The following UNC80 variants were observed in gnomAD, a reference collection of about 807,000 sequenced individuals.
UNC80 encodes unc-80 subunit of NALCN channel complex.
Under a neutral mutation model 384.6 loss-of-function variants are expected in UNC80, and 164 were observed. That is an observed-to-expected ratio of 0.43 (90% CI 0.38 to 0.49). The LOEUF (loss-of-function observed/expected upper bound fraction) is 0.49, where lower values mean the gene tolerates loss of function less well. Among genes scored for constraint, UNC80 ranks in the 20% least tolerant of loss-of-function variants. The probability of loss-of-function intolerance (pLI) is 0.00; values close to 1 mark genes in which losing one functional copy is unlikely to be tolerated. For synonymous variants in UNC80, 1,486 were observed against 1,527.8 expected (o/e 0.97, Z 0.64); for missense variants, 3,330 against 4,143.0 (o/e 0.80, Z 5.39).
chr2:209,858,662 C>T (rs2083117102), intron 22 of UNC80, among the ~76,000 whole-genome samples: 1 of 149,676 alleles, frequency 6.7e-6, no homozygotes, highest in East Asian at 2.0e-4. Flanking sequence ...CAACCGCACC[C>T]TGGTCTCGGC....
chr2:209,781,459 G>A (rs2077151877), intron 4 of UNC80, among the ~76,000 whole-genome samples: 1 of 152,256 alleles, frequency 6.6e-6, no homozygotes, highest in South Asian at 2.1e-4. Flanking sequence ...CAACTTCTGA[G>A]TTGTTGAATC....
chr2:209,845,319 C>T (rs1574708211), intron 21 of UNC80: 1 of 152,116 alleles, frequency 6.6e-6, no homozygotes, highest in African/African-American at 2.4e-5. Context: ...TATGCTTCCC[C>T]GTTTGTAGAT....
intron 28 of UNC80, among the ~76,000 whole-genome samples, chr2:209,901,199 A>T (rs2087359366): frequency 1.3e-5 from 2 of 152,178 alleles, no homozygotes; most frequent in South Asian, 4.1e-4. Flanking sequence ...GCTAGAGAGA[A>T]GTCAATACCT....
At position 209,894,401 on chromosome 2, in the gene UNC80, G is replaced by C. The variant is rs150159140; in HGVS notation, c.4480+35G>C. 1.1e-4 allele frequency: 105 copies of C among 978,750 alleles called. No homozygotes were observed. The Middle Eastern group carries it at 1.6e-3, about 15-fold the overall frequency. The allele number at this position is 978,750 out of a possible 1,614,324, so 60.6% of individuals were successfully genotyped here. ...AGGAGTGGGGTGTGCAGGGACGTGG[G>C]GGGTAGGAAGACAGGGCCCAAGTCC... On this transcript the variant is annotated intron_variant, in intron 27 of 64. Transcript: ENST00000673920.
chr2:209,994,236 C>T lies in UNC80; in HGVS notation c.9680C>T (p.Ala3227Val), dbSNP rs368594548. 467 of 1,550,736 alleles carry T rather than the reference C, an allele frequency of 3.0e-4. No individual in the cohort carries two copies. Among genetic ancestry groups the T allele is most frequent in the Non-Finnish European group, 4.0e-4 (453 of 1,146,600 alleles). ...ACATCTTCTCCCGCCATAGTTGTTG[C>T]GGATCTCCACAGCGTGTCTCCCAAG... ...VLTSSPAIVV[A>V]DLHSVSPKQS... The change falls in exon 64 of 65, where the codon GCG becomes GTG. Residue 3227 changes from alanine to valine, a missense_variant. By Grantham distance (64) the Ala-to-Val change is moderately conservative. Coordinates refer to ENST00000673920, the MANE Select transcript of UNC80 (RefSeq NM_001371986.1).
At chr2:209,912,973 A>T (rs550407763) in intron 30 of UNC80, among the ~76,000 whole-genome samples, 7 of 152,150 alleles carry the variant, frequency 4.6e-5, no homozygotes, top group Non-Finnish European at 8.8e-5. Context: ...CGGGTTTTGG[A>T]ATGAGACAGT....
chr2:209,842,888 AT>A (rs1177995349), intron 21 of UNC80, among the ~76,000 whole-genome samples: 1 of 152,194 alleles, frequency 6.6e-6, no homozygotes. Context: ...AGCCTTAATT[AT>A]TAGAGAATTT....
At chr2:209,917,999 C>A in intron 32 of UNC80, 41 bp downstream of exon 32, 1 of 1,537,060 alleles carries the variant, frequency 6.5e-7, no homozygotes, top group Non-Finnish European at 8.8e-7. Context: ...TTAGCAAACC[C>A]AACCCAAGGT....
chr2:209,937,106 C>G (rs2091301993), intron 41 of UNC80, among the ~76,000 whole-genome samples, 173 bp downstream of exon 41: 1 of 152,180 alleles, frequency 6.6e-6, no homozygotes, highest in South Asian at 2.1e-4. Flanking sequence ...CACCTTTCTA[C>G]CCTTTGGTTT....
chr2:209,909,126 T>G (rs1019818464), intron 29 of UNC80, among the ~76,000 whole-genome samples: 11 of 152,230 alleles, frequency 7.2e-5, no homozygotes, highest in African/African-American at 2.7e-4. Context: ...GTCATCTGTC[T>G]TTCCTACACT....
At chr2:209,812,015 A>G (rs1441022981) in intron 7 of UNC80, among the ~76,000 whole-genome samples, 1 of 152,102 alleles carries the variant, frequency 6.6e-6, no homozygotes, top group Non-Finnish European at 1.5e-5. Flanking sequence ...CAAACATCCA[A>G]GTCCTTACTC....
intron 22 of UNC80, among the ~76,000 whole-genome samples, chr2:209,868,296 G>T (rs371677746): frequency 5.9e-5 from 9 of 152,142 alleles, no homozygotes; most frequent in African/African-American, 1.9e-4. Flanking sequence ...ATTTTGTAAG[G>T]CAATAAAAAA....
intron 52 of UNC80, chr2:209,968,972 G>C (rs1229629541): frequency 1.3e-5 from 2 of 152,174 alleles, no homozygotes; most frequent in Non-Finnish European, 2.9e-5. Context: ...CAGTGTCGGA[G>C]ATGTCACATA....
At chr2:209,884,889 G>T (rs2085635222) in intron 25 of UNC80, among the ~76,000 whole-genome samples, 1 of 151,896 alleles carries the variant, frequency 6.6e-6, no homozygotes, top group Non-Finnish European at 1.5e-5. Flanking sequence ...ACACACTGGG[G>T]TCTGGTGGTG....
chr2:209,835,073 T>G, intron 18 of UNC80, 63 bp downstream of exon 18: 5 of 1,312,562 alleles, frequency 3.8e-6, no homozygotes, highest in Non-Finnish European at 4.2e-6. Context: ...GAAGAATTTC[T>G]ATTTTCCAAA....
chr2:209,855,613 G>C (rs565443419), intron 22 of UNC80, among the ~76,000 whole-genome samples: 34 of 152,174 alleles, frequency 2.2e-4, no homozygotes, highest in African/African-American at 7.7e-4. Flanking sequence ...CCTCTGAGAA[G>C]ATACTGCTCT....
At chr2:209,977,992 C>T (rs930828002) in intron 58 of UNC80, among the ~76,000 whole-genome samples, 17 of 152,146 alleles carry the variant, frequency 1.1e-4, no homozygotes, top group African/African-American at 3.6e-4. Flanking sequence ...GTGAAGTTTA[C>T]ACATTATCAT....
intron 51 of UNC80, among the ~76,000 whole-genome samples, chr2:209,964,580 A>G (rs933300507): frequency 6.6e-6 from 1 of 152,146 alleles, no homozygotes; most frequent in Non-Finnish European, 1.5e-5. Flanking sequence ...CAAGGTCAAG[A>G]GATCGAGACC....
At position 209,918,625 on chromosome 2, in the gene UNC80, A is replaced by G; in HGVS notation, c.5305A>G (p.Ser1769Gly). 1 of 1,551,818 alleles carries G rather than the reference A, an allele frequency of 6.4e-7. No individual in the cohort carries two copies. The highest frequency in any genetic ancestry group is 1.2e-5 in the South Asian group (1 of 84,044). The change falls in exon 33 of 65, where the codon AGC (serine) becomes GGC (glycine). Residue 1769 changes from serine (S) to glycine (G), a missense_variant. This residue lies in a region of UNC80 where 1,049 missense variants were observed against 1,488.6 expected (regional missense o/e 0.70). Coordinates refer to ENST00000673920, the MANE Select transcript of UNC80 (RefSeq NM_001371986.1). ...MFDPPWVPQCSGSVQDPINED... is the reference protein window; with the variant it reads ...MFDPPWVPQCGGSVQDPINED... The stretch of plus-strand genomic sequence containing the variant: ...TGACCCACCGTGGGTTCCTCAGTGC[A>G]GCGGGAGTGTCCAGGACCCCATTAA...
Sources: gnomAD v4.1 joint callset for allele counts (sites outside exome capture counted in the v4.1 genomes callset) on GRCh38, gnomAD v4.1.1 for gene constraint, gnomAD v4.1.1 regional missense constraint, MANE v1.5 for transcripts, NCBI Gene and HGNC (gene_info 2026-07-23, HGNC 2026-07-21) for gene names.